Variants in LGR5 observed in about 807,000 individuals in gnomAD.
LGR5 encodes the protein leucine-rich repeat-containing G protein-coupled receptor 5.
LGR5 carries 54 observed loss-of-function variants against 76.7 expected under a neutral mutation model. That is an observed-to-expected ratio of 0.70 (90% CI 0.57 to 0.88). The LOEUF (loss-of-function observed/expected upper bound fraction) is 0.88. Among genes scored for constraint, LGR5 ranks in the 40% least tolerant of loss-of-function variants. The pLI, the probability that LGR5 is intolerant of heterozygous loss-of-function variation, is 0.00. For missense variants in LGR5, 1,078 were observed against 1,073.3 expected (o/e 1.00, Z -0.06); for synonymous variants, 406 against 421.9 (o/e 0.96, Z 0.46).
At chr12:71,539,259 C>T (rs534245593) in intron 4 of LGR5, among the ~76,000 whole-genome samples, 4 of 152,310 alleles carry the variant, frequency 2.6e-5, no homozygotes, top group Admixed American at 1.3e-4. Flanking sequence ...TGGTTGAAAA[C>T]GACTGACGTA....
intron 1 of LGR5, among the ~76,000 whole-genome samples, chr12:71,454,870 C>A (rs1872401956): frequency 6.6e-6 from 1 of 150,480 alleles, no homozygotes; most frequent in Admixed American, 6.6e-5. Context: ...TGTGGAAATA[C>A]CCTCAAAATC....
chr12:71,577,127 A>G (rs990402956), intron 13 of LGR5, among the ~76,000 whole-genome samples: 1 of 152,236 alleles, frequency 6.6e-6, no homozygotes, highest in Middle Eastern at 3.2e-3. Flanking sequence ...AGAAAAGTTG[A>G]CTTTGTTTAC....
intron 13 of LGR5, among the ~76,000 whole-genome samples, chr12:71,577,602 C>A (rs1878914645): frequency 6.6e-6 from 1 of 152,198 alleles, no homozygotes; most frequent in Admixed American, 6.5e-5. Context: ...TCTGTCCCTT[C>A]CCACAGTGCT....
chr12:71,528,051 A>G (rs1366471373), intron 3 of LGR5, among the ~76,000 whole-genome samples: 1 of 152,216 alleles, frequency 6.6e-6, no homozygotes, highest in East Asian at 1.9e-4. Flanking sequence ...TTGCACAGGA[A>G]AAATTAAATG....
At chr12:71,517,648 G>A (rs1190302825) in intron 2 of LGR5, among the ~76,000 whole-genome samples, 1 of 152,190 alleles carries the variant, frequency 6.6e-6, no homozygotes, top group Non-Finnish European at 1.5e-5. Flanking sequence ...AGTCCTGACT[G>A]TGACCAGTAT....
chr12:71,508,822 A>G (rs1264846141), intron 2 of LGR5, among the ~76,000 whole-genome samples: 1 of 151,424 alleles, frequency 6.6e-6, no homozygotes, highest in East Asian at 1.9e-4. Flanking sequence ...AAAGTATTTC[A>G]GAAGAACAGC....
At chr12:71,545,616 A>T (rs1395913613) in intron 4 of LGR5, among the ~76,000 whole-genome samples, 3 of 151,946 alleles carry the variant, frequency 2.0e-5, no homozygotes, top group Admixed American at 6.6e-5. Context: ...CAAGTCATCC[A>T]TGTTAATAAT....
At chr12:71,520,730 G>C (rs112767709) in intron 2 of LGR5, among the ~76,000 whole-genome samples, 2 of 150,868 alleles carry the variant, frequency 1.3e-5, no homozygotes, top group East Asian at 1.9e-4. Flanking sequence ...AATGGGGGAC[G>C]GGGGGAGGGA....
chr12:71,480,217 AC>A (rs1446934061), intron 1 of LGR5, among the ~76,000 whole-genome samples: 1 of 151,724 alleles, frequency 6.6e-6, no homozygotes, highest in African/African-American at 2.4e-5. Flanking sequence ...TACAAAAATT[AC>A]CCGGATGTGG....
chr12:71,442,949 C>T (rs555546778), intron 1 of LGR5, among the ~76,000 whole-genome samples: 1 of 152,320 alleles, frequency 6.6e-6, no homozygotes, highest in African/African-American at 2.4e-5. Context: ...TATAGCTCCA[C>T]TCCACTGGGG....
chr12:71,535,391 G>A (rs1314252865), intron 4 of LGR5, among the ~76,000 whole-genome samples: 1 of 152,038 alleles, frequency 6.6e-6, no homozygotes, highest in Non-Finnish European at 1.5e-5. Context: ...TGGGGTTTTA[G>A]GGTGGACATT....
At chr12:71,481,498 G>A (rs1873599818) in intron 1 of LGR5, among the ~76,000 whole-genome samples, 2 of 152,084 alleles carry the variant, frequency 1.3e-5, no homozygotes, top group South Asian at 4.1e-4. Context: ...GTCTATCATT[G>A]ATGGGCATGT....
chr12:71,508,616 TTGTGGCGCGCGCC>T (rs1219496392), intron 2 of LGR5, among the ~76,000 whole-genome samples: 1 of 151,834 alleles, frequency 6.6e-6, no homozygotes, highest in African/African-American at 2.4e-5. Context: ...TAGCTGGGTG[TTGTGGCGCGCGCC>T]TGTAGTTCCA....
chr12:71,585,623 A>G lies in LGR5; in HGVS notation c.*889A>G, dbSNP rs1245367993. On this transcript the variant is annotated 3_prime_UTR_variant, in exon 18 of 18. Transcript: ENST00000266674. ...TTTTTGCAATAAGTTTTATCAGTTG[A>G]TTCAAACTGATGTGCATCTTAATGA... The G allele has an allele frequency of 6.6e-6, 1 of 152,194 alleles. No homozygotes were observed. The highest frequency in any genetic ancestry group is 1.5e-5 in the Non-Finnish European group (1 of 68,040). The allele number at this position is 152,194 out of a possible 1,614,324, so 9.4% of individuals were successfully genotyped here.
chr12:71,465,593 A>G (rs1408247341), intron 1 of LGR5, among the ~76,000 whole-genome samples: 1 of 152,146 alleles, frequency 6.6e-6, no homozygotes, highest in African/African-American at 2.4e-5. Context: ...TCAGAATACT[A>G]CCATGCTAGC....
At chr12:71,468,709 CTT>C (rs538254378) in intron 1 of LGR5, among the ~76,000 whole-genome samples, 7,578 of 69,896 alleles carry the variant, frequency 0.11, 209 homozygotes, top group African/African-American at 0.19. Flanking sequence ...GTGGTAGCCT[CTT>C]TTTTTTTTTT....
At chr12:71,514,562 C>A in intron 2 of LGR5, among the ~76,000 whole-genome samples, 1 of 83,524 alleles carries the variant, frequency 1.2e-5, no homozygotes, top group African/African-American at 4.1e-5. Flanking sequence ...AGCAAGACTC[C>A]CTCTCAAAAA....
At chr12:71,561,945 T>C in intron 8 of LGR5, 93 bp downstream of exon 8, 1 of 799,766 alleles carries the variant, frequency 1.3e-6, no homozygotes. Flanking sequence ...TTTGCCTGAG[T>C]TTTGTCTTAG....
At chr12:71,498,175 A>AT (rs1874421600) in intron 1 of LGR5, among the ~76,000 whole-genome samples, 1 of 152,192 alleles carries the variant, frequency 6.6e-6, no homozygotes, top group Admixed American at 6.5e-5. Context: ...AACAAATAGG[A>AT]TCGACTGAAA....
Sources: gnomAD v4.1 joint callset for allele counts (sites outside exome capture counted in the v4.1 genomes callset) on GRCh38, gnomAD v4.1.1 for gene constraint, MANE v1.5 for transcripts, NCBI Gene and HGNC (gene_info 2026-07-23, HGNC 2026-07-21) for gene names.